GALNT13: variants seen among roughly 807,000 people sequenced by gnomAD.
GALNT13 encodes the protein polypeptide N-acetylgalactosaminyltransferase 13, also known as UDP-GalNAc:polypeptide N-acetylgalactosaminyltransferase 13.
Under a neutral mutation model 64.2 loss-of-function variants are expected in GALNT13, and 28 were observed. The observed-to-expected ratio is 0.44, with a 90% CI of 0.32 to 0.60. The LOEUF (loss-of-function observed/expected upper bound fraction) is 0.60, where lower values mean the gene tolerates loss of function less well. GALNT13 is among the 20% of genes least tolerant of loss of function. GALNT13 has a pLI of 0.05. For missense variants in GALNT13, 577 were observed against 669.8 expected, an observed-to-expected ratio of 0.86 and a Z score of 1.53; for synonymous variants, 214 against 224.6, an observed-to-expected ratio of 0.95 and a Z score of 0.42.
intron 8 of GALNT13, among the ~76,000 whole-genome samples, chr2:154,275,610 T>A (rs1469978671): frequency 6.6e-6 from 1 of 152,172 alleles, no homozygotes; most frequent in Non-Finnish European, 1.5e-5. Context: ...GGCAGAGGTA[T>A]GCTGCAGGAG....
the GALNT13 span, among the ~76,000 whole-genome samples, chr2:153,256,581 T>A: frequency 6.6e-6 from 1 of 152,220 alleles, no homozygotes; most frequent in Admixed American, 6.5e-5. Context: ...CTCTGTTTTT[T>A]CCCCAACTTT....
chr2:154,191,459 T>C (rs1462753082), intron 4 of GALNT13, among the ~76,000 whole-genome samples: 2 of 152,130 alleles, frequency 1.3e-5, no homozygotes, highest in South Asian at 2.1e-4. Flanking sequence ...CAGAGAGTGA[T>C]AGGAGAGACT....
chr2:154,046,068 G>A (rs1699267423), intron 3 of GALNT13, among the ~76,000 whole-genome samples: 1 of 152,080 alleles, frequency 6.6e-6, no homozygotes, highest in Admixed American at 6.5e-5. Context: ...AGTGTTTTGG[G>A]AGGATGAGGC....
the GALNT13 span, among the ~76,000 whole-genome samples, chr2:153,416,606 A>G: frequency 6.6e-6 from 1 of 152,170 alleles, no homozygotes; most frequent in Non-Finnish European, 1.5e-5. Context: ...GCTGATTACC[A>G]TTCTGTTTAT....
intron 4 of GALNT13, among the ~76,000 whole-genome samples, chr2:154,168,673 TA>T (rs70983708): frequency 9.8e-4 from 99 of 101,106 alleles, no homozygotes; most frequent in African/African-American, 1.5e-3. Flanking sequence ...TCTCTACTAT[TA>T]AAAAAAAAAA....
At chr2:153,642,180 A>G in the GALNT13 span, among the ~76,000 whole-genome samples, 1 of 151,890 alleles carries the variant, frequency 6.6e-6, no homozygotes, top group Non-Finnish European at 1.5e-5. Context: ...TATGTTCTTT[A>G]CTATGTTAGT....
chr2:154,197,252 T>C (rs1428473284), intron 4 of GALNT13, among the ~76,000 whole-genome samples: 1 of 152,080 alleles, frequency 6.6e-6, no homozygotes, highest in African/African-American at 2.4e-5. Flanking sequence ...GAAATGTCTC[T>C]TAAGACATTT....
At chr2:153,350,696 T>C in the GALNT13 span, among the ~76,000 whole-genome samples, 120 of 152,124 alleles carry the variant, frequency 7.9e-4, no homozygotes, top group Non-Finnish European at 1.2e-3. Flanking sequence ...CATTGTCAAG[T>C]TTCTAATTAA....
chr2:154,050,576 CTCT>C lies in GALNT13; in HGVS notation c.143-89754_143-89752del, dbSNP rs1699549543. On this transcript the variant is annotated intron_variant, in intron 3 of 12. Transcript: ENST00000392825. ...TTTCTTTTAACAAGGCTTTGAGGAT[CTCT>C]TCTTCTGATGCTGAAAAACAGCAGC... Among the ~76,000 whole-genome samples, 3 of 152,110 alleles carry C rather than the reference CTCT, an allele frequency of 2.0e-5. No homozygotes were observed. In the South Asian group the frequency reaches 6.2e-4, roughly 32 times the overall value.
intron 1 of GALNT13, among the ~76,000 whole-genome samples, chr2:153,888,157 A>C (rs1237227416): frequency 2.0e-5 from 3 of 152,000 alleles, no homozygotes; most frequent in African/African-American, 7.2e-5. Context: ...TAACTTGTGC[A>C]AATGATAATT....
the GALNT13 span, among the ~76,000 whole-genome samples, chr2:153,617,809 C>G: frequency 2.0e-5 from 3 of 151,728 alleles, no homozygotes; most frequent in African/African-American, 7.3e-5. Flanking sequence ...AGAAATTTGT[C>G]TATTTCTTCT....
chr2:154,304,517 C>T (rs1430446497), intron 9 of GALNT13, among the ~76,000 whole-genome samples: 4 of 152,116 alleles, frequency 2.6e-5, no homozygotes, highest in Non-Finnish European at 4.4e-5. Flanking sequence ...ATTGTAATCA[C>T]ATGTATTATA....
At chr2:153,531,009 C>G in the GALNT13 span, among the ~76,000 whole-genome samples, 2 of 152,150 alleles carry the variant, frequency 1.3e-5, no homozygotes, top group African/African-American at 4.8e-5. Context: ...CCCACAAGCA[C>G]AGGCAACCAA....
chr2:153,308,960 A>G, the GALNT13 span, among the ~76,000 whole-genome samples: 1 of 152,260 alleles, frequency 6.6e-6, no homozygotes, highest in East Asian at 1.9e-4. Context: ...ATTATTTAAT[A>G]TGTTTGAGGC....
chr2:153,506,410 TC>T, the GALNT13 span, among the ~76,000 whole-genome samples: 3 of 152,172 alleles, frequency 2.0e-5, no homozygotes, highest in Non-Finnish European at 4.4e-5. Context: ...TACCTTTTTT[TC>T]ATTGTATTAT....
At chr2:153,127,393 C>G in the GALNT13 span, among the ~76,000 whole-genome samples, 1 of 152,072 alleles carries the variant, frequency 6.6e-6, no homozygotes, top group East Asian at 1.9e-4. Flanking sequence ...GTGCAAATCC[C>G]TATATAAAAT....
intron 1 of GALNT13, among the ~76,000 whole-genome samples, chr2:153,873,983 T>G (rs1396528208): frequency 6.6e-6 from 1 of 152,106 alleles, no homozygotes; most frequent in Non-Finnish European, 1.5e-5. Flanking sequence ...CTTTTGGACC[T>G]CTCACCTTCC....
At chr2:154,298,964 A>G (rs901572614) in intron 8 of GALNT13, among the ~76,000 whole-genome samples, 24 of 134,898 alleles carry the variant, frequency 1.8e-4, no homozygotes, top group African/African-American at 6.1e-4. Context: ...TGTATCGCTA[A>G]TATGCTAAAA....
intron 9 of GALNT13, among the ~76,000 whole-genome samples, chr2:154,304,657 A>G (rs1462625167): frequency 1.3e-5 from 2 of 152,242 alleles, no homozygotes; most frequent in South Asian, 4.1e-4. Flanking sequence ...TTTAGAATGT[A>G]AAGCATGGGA....
Sources: gnomAD v4.1 joint callset for allele counts (sites outside exome capture counted in the v4.1 genomes callset) on GRCh38, gnomAD v4.1.1 for gene constraint, MANE v1.5 for transcripts, NCBI Gene and HGNC (gene_info 2026-07-23, HGNC 2026-07-21) for gene names.